Variants in RGS6 observed in about 807,000 individuals in gnomAD.
RGS6 encodes the protein regulator of G-protein signaling 6.
A neutral mutation model predicts 78.5 loss-of-function variants in RGS6; 30 were observed. That is an observed-to-expected ratio of 0.38 (90% confidence interval 0.29 to 0.52). The LOEUF (loss-of-function observed/expected upper bound fraction) is 0.52, where lower values mean the gene tolerates loss of function less well. RGS6 is among the 20% of genes least tolerant of loss of function. RGS6 has a pLI of 0.85. For synonymous variants in RGS6, 206 were observed against 206.0 expected (o/e 1.00, Z 0.00); for missense variants, 495 against 609.7 (o/e 0.81, Z 1.98).
At chr14:72,131,271 T>A (rs2096309199) in intron 2 of RGS6, among the ~76,000 whole-genome samples, 1 of 152,230 alleles carries the variant, frequency 6.6e-6, no homozygotes, top group Non-Finnish European at 1.5e-5. Flanking sequence ...TCAGCAGGCC[T>A]AGCTTGGAGG....
At chr14:72,030,499 T>A (rs1292960606) in intron 2 of RGS6, among the ~76,000 whole-genome samples, 2 of 152,242 alleles carry the variant, frequency 1.3e-5, no homozygotes, top group African/African-American at 4.8e-5. Flanking sequence ...GGTATGAGTT[T>A]GTGCCTTATG....
chr14:72,414,117 C>G (rs1319972384), intron 3 of RGS6, among the ~76,000 whole-genome samples: 2 of 152,108 alleles, frequency 1.3e-5, no homozygotes, highest in African/African-American at 2.4e-5. Context: ...TGTTGGCCTG[C>G]CTTGCTAGAT....
At chr14:72,560,749 G>A (rs1366122725) in intron 17 of RGS6, among the ~76,000 whole-genome samples, 1 of 151,760 alleles carries the variant, frequency 6.6e-6, no homozygotes, top group East Asian at 1.9e-4. Context: ...GCTAAGTTTA[G>A]TGCACTTGAA....
chr14:72,099,700 CCA>C (rs1183156013), intron 2 of RGS6, among the ~76,000 whole-genome samples: 1 of 152,158 alleles, frequency 6.6e-6, no homozygotes, highest in East Asian at 1.9e-4. Context: ...CTGCTGTTGA[CCA>C]TGTAAGGAAC....
chr14:72,401,563 C>T (rs904596076), intron 3 of RGS6, among the ~76,000 whole-genome samples: 1 of 151,488 alleles, frequency 6.6e-6, no homozygotes, highest in African/African-American at 2.4e-5. Flanking sequence ...TCTCATGTGA[C>T]CCCAGGTCCC....
chr14:72,337,983 T>C (rs905953706), intron 2 of RGS6, among the ~76,000 whole-genome samples: 6 of 152,186 alleles, frequency 3.9e-5, no homozygotes, highest in Non-Finnish European at 8.8e-5. Context: ...TCTCTTTCAG[T>C]CTGTGATTTC....
At chr14:72,283,147 A>G (rs2061876753) in intron 2 of RGS6, among the ~76,000 whole-genome samples, 2 of 152,118 alleles carry the variant, frequency 1.3e-5, no homozygotes, top group African/African-American at 4.8e-5. Context: ...GTGTGTATAG[A>G]CTATATTTTC....
intron 3 of RGS6, among the ~76,000 whole-genome samples, chr14:72,375,435 A>T (rs2084448784): frequency 6.6e-6 from 1 of 152,234 alleles, no homozygotes; most frequent in Non-Finnish European, 1.5e-5. Context: ...GAGAAACAGC[A>T]CCATGGGCCA....
At position 72,285,226 on chromosome 14, in the gene RGS6, A is replaced by AG. The variant is rs1417916267; in HGVS notation, c.85-66865dup. ...GAAATGTAAGGACATGAGATTTGGG[A>AG]GGGGCCGGGGGCAGAATGATATGGT... On this transcript the variant is annotated intron_variant, in intron 2 of 17. Transcript: ENST00000553525. Among the ~76,000 whole-genome samples, 4 of 152,044 alleles carry AG rather than the reference A, an allele frequency of 2.6e-5. No individual in the cohort carries two copies. The East Asian group carries it at 7.7e-4, about 29-fold the overall frequency.
At chr14:72,386,338 G>T (rs2152920725) in intron 3 of RGS6, among the ~76,000 whole-genome samples, 1 of 152,224 alleles carries the variant, frequency 6.6e-6, no homozygotes, top group East Asian at 1.9e-4. Context: ...AGGAGTTCGA[G>T]ACCAGCCTGG....
In RGS6 at chr14:71,965,632, G is replaced by A. The variant is rs542329502; in HGVS notation, c.84+757G>A. Among the ~76,000 whole-genome samples, 4 of 152,320 alleles carry A rather than the reference G, an allele frequency of 2.6e-5. No individual in the cohort carries two copies. In the South Asian group the frequency reaches 6.2e-4, roughly 24 times the overall value. On this transcript the variant is annotated intron_variant, in intron 2 of 17. Coordinates refer to ENST00000553525, the MANE Select transcript of RGS6 (RefSeq NM_001204424.2). ...AGGCTGGCTGGAGCCAGATGTTAGT[G>A]TTGAATTAGACAATTTAATCAAGAA... is the stretch of plus-strand genomic sequence containing the variant.
intron 2 of RGS6, among the ~76,000 whole-genome samples, chr14:71,981,648 G>A (rs2094461985): frequency 6.6e-6 from 1 of 151,906 alleles, no homozygotes; most frequent in Non-Finnish European, 1.5e-5. Context: ...CCCGTTCTCA[G>A]ATCTCCAGCT....
intron 2 of RGS6, among the ~76,000 whole-genome samples, chr14:72,246,757 AAACTT>A (rs1233131572): frequency 6.6e-6 from 1 of 152,084 alleles, no homozygotes; most frequent in African/African-American, 2.4e-5. Flanking sequence ...TAAAAATACA[AAACTT>A]AGCTGGGCAT....
At chr14:72,598,055 G>A in the RGS6 span, among the ~76,000 whole-genome samples, 1 of 152,236 alleles carries the variant, frequency 6.6e-6, no homozygotes, top group Admixed American at 6.5e-5. Flanking sequence ...GTGCACAGGT[G>A]TTCACAAACA....
rs35675211 is a variant in RGS6 at position 72,242,839 on chromosome 14, C to CTTTTTTTTTTT, written c.85-109239_85-109229dup. 6.7e-4 allele frequency among the ~76,000 whole-genome samples: 46 copies of CTTTTTTTTTTT among 69,128 alleles called. 2 individuals are homozygous for CTTTTTTTTTTT. Among genetic ancestry groups the CTTTTTTTTTTT allele is most frequent in the East Asian group, 3.7e-3 (7 of 1,884 alleles). The allele number at this position is 69,128 out of a possible 152,430, so 45.4% of individuals were successfully genotyped here. ...GTATTTTTCCAACTTCATTTCTTTTCTTTTTTTTTTTTTTTTTTTTTTTTT... is the reference window on the plus strand; with the variant it reads ...GTATTTTTCCAACTTCATTTCTTTTCTTTTTTTTTTTTTTTTTTTTTTTTTTTTTTTTTTTT... On this transcript the variant is annotated intron_variant, in intron 2 of 17. Transcript: ENST00000553525.
At chr14:72,325,883 T>C (rs1182597384) in intron 2 of RGS6, among the ~76,000 whole-genome samples, 1 of 152,028 alleles carries the variant, frequency 6.6e-6, no homozygotes, top group Non-Finnish European at 1.5e-5. Flanking sequence ...GATCAAAAAG[T>C]TTAATCACAC....
At chr14:72,158,249 A>T (rs1203788397) in intron 2 of RGS6, among the ~76,000 whole-genome samples, 1 of 152,056 alleles carries the variant, frequency 6.6e-6, no homozygotes, top group East Asian at 1.9e-4. Flanking sequence ...TGGCTTGTAG[A>T]TGGTCACCCT....
At chr14:72,164,324 T>C (rs973503372) in intron 2 of RGS6, among the ~76,000 whole-genome samples, 2 of 152,168 alleles carry the variant, frequency 1.3e-5, no homozygotes, top group East Asian at 3.9e-4. Flanking sequence ...GATTTGCAGG[T>C]TGCTTGTTTC....
chr14:72,336,689 T>C (rs1484838206), intron 2 of RGS6, among the ~76,000 whole-genome samples: 1 of 152,202 alleles, frequency 6.6e-6, no homozygotes, highest in Non-Finnish European at 1.5e-5. Flanking sequence ...ATTAGCTTGC[T>C]AGGGCTGCCA....
Sources: allele counts gnomAD v4.1 joint callset (sites outside exome capture counted in the v4.1 genomes callset), GRCh38; gene constraint gnomAD v4.1.1; transcripts MANE v1.5; gene names NCBI Gene and HGNC (gene_info 2026-07-23, HGNC 2026-07-21).